Variants in EXOC4 observed in about 807,000 individuals in gnomAD.
EXOC4 encodes exocyst complex component 4.
EXOC4 carries 71 observed loss-of-function variants against 107.2 expected under a neutral mutation model. The observed-to-expected ratio is 0.66, with a 90% CI of 0.55 to 0.81. The LOEUF (loss-of-function observed/expected upper bound fraction) is 0.81. EXOC4 is among the 30% of genes least tolerant of loss of function. The pLI is 0.00. For synonymous variants in EXOC4, 456 were observed against 441.2 expected (o/e 1.03, Z -0.42); for missense variants, 1,108 against 1,189.6 (o/e 0.93, Z 1.01).
At chr7:133,628,189 A>C (rs578031351) in intron 9 of EXOC4, among the ~76,000 whole-genome samples, 83 of 152,316 alleles carry the variant, frequency 5.4e-4, no homozygotes, top group African/African-American at 1.9e-3. Context: ...TTGAGAAATA[A>C]TTAAGGTAGA....
intron 10 of EXOC4, among the ~76,000 whole-genome samples, chr7:133,797,206 T>C (rs1482301277): frequency 1.3e-5 from 2 of 152,168 alleles, no homozygotes; most frequent in Admixed American, 1.3e-4. Context: ...TGCATAAAGA[T>C]GGGGCCCATT....
At chr7:133,675,698 G>T (rs1054633347) in intron 10 of EXOC4, among the ~76,000 whole-genome samples, 1 of 152,086 alleles carries the variant, frequency 6.6e-6, no homozygotes, top group Non-Finnish European at 1.5e-5. Flanking sequence ...AGATGAATTA[G>T]CCCCTCACTA....
chr7:133,924,922 G>A (rs911558014), intron 13 of EXOC4, among the ~76,000 whole-genome samples: 3 of 152,134 alleles, frequency 2.0e-5, no homozygotes, highest in African/African-American at 7.2e-5. Context: ...AGGTCTATTT[G>A]GTATATGATT....
chr7:133,843,182 G>T (rs1563023166), intron 11 of EXOC4, among the ~76,000 whole-genome samples: 1 of 151,450 alleles, frequency 6.6e-6, no homozygotes, highest in African/African-American at 2.4e-5. Flanking sequence ...TTTTTAAATA[G>T]TTTTTTTTTC....
chr7:133,955,385 C>G (rs1162324813), intron 14 of EXOC4, among the ~76,000 whole-genome samples: 1 of 152,156 alleles, frequency 6.6e-6, no homozygotes, highest in Non-Finnish European at 1.5e-5. Flanking sequence ...GTCAAGTGTT[C>G]AGCTCTCAGC....
At chr7:133,532,143 T>A (rs747958088) in intron 9 of EXOC4, among the ~76,000 whole-genome samples, 3 of 152,108 alleles carry the variant, frequency 2.0e-5, no homozygotes, top group Non-Finnish European at 2.9e-5. Context: ...CTTTAGATTT[T>A]GAATTTTTAG....
chr7:133,289,639 G>A (rs961098388), intron 3 of EXOC4, among the ~76,000 whole-genome samples: 1 of 152,200 alleles, frequency 6.6e-6, no homozygotes. Context: ...AGTCCATTGT[G>A]TGTGCTCCTT....
At chr7:134,040,528 T>C (rs2116524913) in intron 17 of EXOC4, among the ~76,000 whole-genome samples, 1 of 152,312 alleles carries the variant, frequency 6.6e-6, no homozygotes, top group African/African-American at 2.4e-5. Flanking sequence ...CCGAAGTCAT[T>C]GCCATGTTAC....
chr7:134,054,135 C>G (rs141467711), intron 17 of EXOC4, among the ~76,000 whole-genome samples: 3 of 152,066 alleles, frequency 2.0e-5, no homozygotes, highest in Admixed American at 2.0e-4. Context: ...TTGGTAAAGA[C>G]GGAGTTTTGC....
chr7:133,832,853 T>C (rs545592986), intron 11 of EXOC4, among the ~76,000 whole-genome samples: 1 of 152,268 alleles, frequency 6.6e-6, no homozygotes, highest in African/African-American at 2.4e-5. Flanking sequence ...CTTGTGGTGG[T>C]GGTAGGGGCA....
At chr7:133,848,291 T>G (rs565115153) in intron 11 of EXOC4, among the ~76,000 whole-genome samples, 5 of 152,302 alleles carry the variant, frequency 3.3e-5, no homozygotes, top group African/African-American at 9.6e-5. Flanking sequence ...CCCCAGGGTC[T>G]GTGATATTTT....
At chr7:133,880,879 A>G (rs1798951536) in intron 11 of EXOC4, among the ~76,000 whole-genome samples, 1 of 152,194 alleles carries the variant, frequency 6.6e-6, no homozygotes, top group Admixed American at 6.5e-5. Flanking sequence ...AATAAGTTTA[A>G]CAGTAGCTTA....
intron 16 of EXOC4, among the ~76,000 whole-genome samples, chr7:134,005,308 G>A (rs977610216): frequency 6.6e-6 from 1 of 152,192 alleles, no homozygotes; most frequent in Non-Finnish European, 1.5e-5. Context: ...TTTAATCCAA[G>A]ATAAGGCAGA....
chr7:134,075,860 G>T, the EXOC4 span, among the ~76,000 whole-genome samples: 1 of 152,212 alleles, frequency 6.6e-6, no homozygotes, highest in East Asian at 1.9e-4. Context: ...TCCAGATAGT[G>T]ACCACTCACT....
chr7:133,403,942 C>T (rs1197267582), intron 7 of EXOC4, among the ~76,000 whole-genome samples: 1 of 152,114 alleles, frequency 6.6e-6, no homozygotes, highest in Non-Finnish European at 1.5e-5. Context: ...TCTTAAGTCT[C>T]TCTGTCTCTC....
chr7:133,686,571 G>T (rs558067960), intron 10 of EXOC4, among the ~76,000 whole-genome samples: 1 of 152,138 alleles, frequency 6.6e-6, no homozygotes, highest in Non-Finnish European at 1.5e-5. Flanking sequence ...GACATGGACA[G>T]TTCTCAAAAG....
intron 12 of EXOC4, among the ~76,000 whole-genome samples, chr7:133,901,592 C>T (rs969859013): frequency 3.9e-5 from 6 of 152,154 alleles, no homozygotes; most frequent in Admixed American, 2.6e-4. Flanking sequence ...TTCCTCAAAG[C>T]GTTATTTCAA....
intron 12 of EXOC4, among the ~76,000 whole-genome samples, chr7:133,905,207 C>CA (rs1378259750): frequency 3.9e-5 from 6 of 152,096 alleles, no homozygotes; most frequent in Admixed American, 3.9e-4. Flanking sequence ...CCAAGCTTCC[C>CA]ATGAAAACCT....
chr7:134,011,618 C>A (rs1182922935), intron 17 of EXOC4, among the ~76,000 whole-genome samples: 2 of 152,074 alleles, frequency 1.3e-5, no homozygotes, highest in Admixed American at 6.6e-5. Context: ...ACAGATTCCT[C>A]GCCCGGTTAT....
Sources: allele counts gnomAD v4.1 joint callset (sites outside exome capture counted in the v4.1 genomes callset), GRCh38; gene constraint gnomAD v4.1.1; transcripts MANE v1.5; gene names NCBI Gene and HGNC (gene_info 2026-07-23, HGNC 2026-07-21).